The following DRC3 variants were observed in gnomAD, a reference collection of about 807,000 sequenced individuals.
DRC3 encodes leucine rich repeat containing 48.
In DRC3, 45 loss-of-function variants were observed where a neutral mutation model predicts 57.6. The observed-to-expected ratio is 0.78, with a 90% CI of 0.62 to 1.00. The LOEUF is 1.00. Ranked by LOEUF, DRC3 falls within the 50% of genes least tolerant of loss-of-function variation. The probability of loss-of-function intolerance (pLI) is 0.00; values close to 1 mark genes in which losing one functional copy is unlikely to be tolerated. For missense variants in DRC3, 655 were observed against 675.2 expected (o/e 0.97, Z 0.33); for synonymous variants, 257 against 272.3 (o/e 0.94, Z 0.55).
Position 17,992,796 on chromosome 17 carries a change from G to T in DRC3, c.476G>T (p.Arg159Leu). Residue 159 changes from arginine to leucine, a missense_variant, in exon 6 of 14, where the codon CGG becomes CTG. Transcript: ENST00000399187. ...TACCTCCGGCGGTTCAAGTGCCTGCGGACGCTCAGCCTCTCTAGGAACCCT... is the reference window on the plus strand; with the variant it reads ...TACCTCCGGCGGTTCAAGTGCCTGCTGACGCTCAGCCTCTCTAGGAACCCT... ...IIYLRRFKCL[R>L]TLSLSRNPIS... The T allele has an allele frequency of 6.2e-7, 1 of 1,613,638 alleles. No individual in the cohort carries two copies. Among genetic ancestry groups the T allele is most frequent in the Non-Finnish European group, 8.5e-7 (1 of 1,179,768 alleles).
chr17:18,014,897 T>C (rs1266596437), intron 12 of DRC3, among the ~76,000 whole-genome samples: 1 of 152,174 alleles, frequency 6.6e-6, no homozygotes, highest in Non-Finnish European at 1.5e-5. Context: ...TCTTGACATT[T>C]CTCCCTTGTG....
intron 12 of DRC3, 102 bp from the exon 13 acceptor site, chr17:18,015,962 G>A: frequency 2.3e-6 from 3 of 1,316,654 alleles, no homozygotes; most frequent in East Asian, 4.7e-5. Flanking sequence ...AGTGTGGCCT[G>A]CACAGCCAGG....
chr17:18,011,003 G>A, intron 12 of DRC3: 1 of 234,492 alleles, frequency 4.3e-6, no homozygotes, highest in South Asian at 4.7e-5. Context: ...TTTTGCCCAG[G>A]CTGGAGTGCA....
intron 9 of DRC3, among the ~76,000 whole-genome samples, chr17:17,999,021 G>A (rs1284774125): frequency 6.6e-6 from 1 of 152,170 alleles, no homozygotes; most frequent in Non-Finnish European, 1.5e-5. Flanking sequence ...CGCAGTCCCT[G>A]TCCAGCCTTC....
chr17:18,000,927 G>T (rs2043703679), intron 9 of DRC3, among the ~76,000 whole-genome samples: 1 of 151,788 alleles, frequency 6.6e-6, no homozygotes, highest in South Asian at 2.1e-4. Context: ...TCAGAATAGG[G>T]TCTAACTCCA....
At chr17:18,009,981 C>A (rs898482357) in intron 12 of DRC3, among the ~76,000 whole-genome samples, 10 of 152,186 alleles carry the variant, frequency 6.6e-5, no homozygotes, top group African/African-American at 2.4e-4. Context: ...GCCACAGCTG[C>A]CCATTTAGGG....
At chr17:18,001,309 G>C (rs1412678995) in intron 9 of DRC3, among the ~76,000 whole-genome samples, 6 of 152,112 alleles carry the variant, frequency 3.9e-5, no homozygotes. Flanking sequence ...TTCGAGAGCA[G>C]CCTGGACAAC....
At chr17:17,988,521 A>G in intron 5 of DRC3, 1 of 168,330 alleles carries the variant, frequency 5.9e-6, no homozygotes, top group South Asian at 1.5e-4. Context: ...AGGAACAATA[A>G]AACAAGGCCT....
intron 9 of DRC3, among the ~76,000 whole-genome samples, chr17:18,000,925 G>A (rs1210589090): frequency 1.3e-5 from 2 of 151,924 alleles, no homozygotes; most frequent in African/African-American, 4.8e-5. Context: ...TTTCAGAATA[G>A]GGTCTAACTC....
At chr17:17,994,927 C>T in intron 7 of DRC3, 72 bp from the exon 8 acceptor site, 1 of 1,009,272 alleles carries the variant, frequency 9.9e-7, no homozygotes, top group Non-Finnish European at 1.6e-6. Flanking sequence ...ACCTGCCTTC[C>T]TCATGGGCCT....
At chr17:17,998,569 T>C (rs145789429) in intron 9 of DRC3, among the ~76,000 whole-genome samples, 1 of 152,206 alleles carries the variant, frequency 6.6e-6, no homozygotes, top group Non-Finnish European at 1.5e-5. Context: ...CCCATCCTTG[T>C]TGTGAACTTA....
intron 11 of DRC3, chr17:18,006,790 C>A: frequency 1.9e-6 from 1 of 536,026 alleles, no homozygotes; most frequent in Non-Finnish European, 3.3e-6. Context: ...CAGGAGCCTC[C>A]ATGCAGGAGG....
chr17:17,997,386 G>T (rs2043503114), intron 8 of DRC3, 74 bp from the exon 9 acceptor site: 1 of 1,457,958 alleles, frequency 6.9e-7, no homozygotes, highest in South Asian at 1.2e-5. Flanking sequence ...CTGTGCCAGG[G>T]TTACCAACAC....
intron 3 of DRC3, among the ~76,000 whole-genome samples, chr17:17,982,643 T>C (rs1427945400): frequency 6.8e-6 from 1 of 147,656 alleles, no homozygotes; most frequent in Non-Finnish European, 1.5e-5. Flanking sequence ...GGCGCGATCT[T>C]GGCTCACTGC....
intron 4 of DRC3, among the ~76,000 whole-genome samples, chr17:17,984,668 T>C (rs929399279): frequency 6.6e-6 from 1 of 152,148 alleles, no homozygotes; most frequent in Non-Finnish European, 1.5e-5. Context: ...GAAGAGGAGC[T>C]GAGACTCAGG....
Position 17,983,833 on chromosome 17 carries a change from C to G in DRC3, c.166C>G (p.Leu56Val). ...LSLQLDFRNI[L>V]RIDNLWQFEN... The stretch of plus-strand genomic sequence containing the variant: ...ATCACCTTCCATTATTTCAGACATC[C>G]TCCGCATAGACAACCTCTGGCAGTT... The change falls in exon 4 of 14, where the codon CTC (leucine) becomes GTC (valine). Residue 56 changes from leucine (L) to valine (V), a missense_variant. Physicochemically the swap from Leu to Val is conservative, Grantham distance 32. Coordinates refer to ENST00000399187, the MANE Select transcript of DRC3 (RefSeq NM_031294.4). The G allele has an allele frequency of 6.2e-7, 1 of 1,610,692 alleles. No individual in the cohort carries two copies. Among genetic ancestry groups the G allele is most frequent in the Non-Finnish European group, 8.5e-7 (1 of 1,177,176 alleles).
rs1012723164 is a variant in DRC3, at chr17:18,016,430, G to C, written c.1459-128G>C. The C allele has an allele frequency of 1.9e-5, 15 of 795,734 alleles. No individual in the cohort carries two copies. The Middle Eastern group carries it at 2.0e-3, about 107-fold the overall frequency. The allele number at this position is 795,734 out of a possible 1,614,324, so 49.3% of individuals were successfully genotyped here. A position where few individuals can be genotyped will look rare whatever the true frequency, so the allele number is the denominator to read the frequency against. Reference sequence around the variant, plus strand: ...TATACAGAGATCAGCAGAACCTGGGGAGGCGCTGAAGCAAATGAGGTTTGC... The same window carrying C: ...TATACAGAGATCAGCAGAACCTGGGCAGGCGCTGAAGCAAATGAGGTTTGC... On this transcript the variant is annotated intron_variant, in intron 13 of 13. Transcript: ENST00000399187.
chr17:18,004,626 T>G, intron 10 of DRC3, 132 bp downstream of exon 10: 1 of 931,652 alleles, frequency 1.1e-6, no homozygotes, highest in Non-Finnish European at 1.6e-6. Flanking sequence ...GGCTGTAGCT[T>G]TCTTGCTCAT....
intron 12 of DRC3, among the ~76,000 whole-genome samples, chr17:18,011,099 A>G (rs921252037): frequency 3.3e-5 from 5 of 152,198 alleles, no homozygotes; most frequent in African/African-American, 1.2e-4. Flanking sequence ...CTGGGATTAC[A>G]GGCATGCGCC....
Sources: gnomAD v4.1 joint callset for allele counts (sites outside exome capture counted in the v4.1 genomes callset) on GRCh38, gnomAD v4.1.1 for gene constraint, MANE v1.5 for transcripts, NCBI Gene and HGNC (gene_info 2026-07-23, HGNC 2026-07-21) for gene names.